Variants in MAPK10 observed in about 807,000 individuals in gnomAD.
MAPK10 encodes the protein mitogen-activated protein kinase 10.
In MAPK10, 25 loss-of-function variants were observed where a neutral mutation model predicts 59.3. The ratio of observed to expected loss-of-function variants is 0.42; its 90% CI spans 0.31 to 0.59. The LOEUF is 0.59. Ranked by LOEUF, MAPK10 falls within the 20% of genes least tolerant of loss-of-function variation. The probability of loss-of-function intolerance (pLI) is 0.15; values close to 1 mark genes in which losing one functional copy is unlikely to be tolerated. For synonymous variants in MAPK10, 190 were observed against 200.5 expected (o/e 0.95, Z 0.44); for missense variants, 351 against 568.9 (o/e 0.62, Z 3.90).
chr4:86,168,699 G>A (rs577814795), intron 3 of MAPK10, among the ~76,000 whole-genome samples: 4 of 152,242 alleles, frequency 2.6e-5, no homozygotes, highest in African/African-American at 9.6e-5. Context: ...TGACAGCTTT[G>A]AAGAGAGCAG....
At chr4:86,247,524 G>A (rs2093173313) in intron 2 of MAPK10, among the ~76,000 whole-genome samples, 1 of 152,178 alleles carries the variant, frequency 6.6e-6, no homozygotes, top group African/African-American at 2.4e-5. Flanking sequence ...CCATGATTTA[G>A]TCAGATAAAT....
At chr4:86,266,437 A>G (rs995545053) in intron 2 of MAPK10, among the ~76,000 whole-genome samples, 1 of 152,198 alleles carries the variant, frequency 6.6e-6, no homozygotes, top group African/African-American at 2.4e-5. Flanking sequence ...TAATGCATGC[A>G]AAACAGAGTA....
At chr4:86,092,611 T>C (rs1408273187) in intron 9 of MAPK10, among the ~76,000 whole-genome samples, 1 of 123,552 alleles carries the variant, frequency 8.1e-6, no homozygotes, top group East Asian at 2.2e-4. Flanking sequence ...TGTATCTGAA[T>C]ATATTAGTGA....
upstream of MAPK10, among the ~76,000 whole-genome samples, chr4:86,365,008 A>G (rs1737605355): frequency 6.6e-6 from 1 of 152,172 alleles, no homozygotes; most frequent in Non-Finnish European, 1.5e-5. Context: ...AGAAAAAAGA[A>G]CAGATACATA....
At chr4:86,235,813 A>G (rs2092160550) in intron 2 of MAPK10, among the ~76,000 whole-genome samples, 1 of 152,200 alleles carries the variant, frequency 6.6e-6, no homozygotes, top group Non-Finnish European at 1.5e-5. Context: ...CAAAAAATTA[A>G]CACATTTGAT....
intron 1 of MAPK10, among the ~76,000 whole-genome samples, chr4:86,515,612 T>C (rs966515131): frequency 5.9e-5 from 9 of 152,224 alleles, no homozygotes; most frequent in Non-Finnish European, 1.3e-4. Flanking sequence ...TTTCATATGT[T>C]TGTTGGACAT....
chr4:86,275,693 T>C (rs1259261411), intron 2 of MAPK10, among the ~76,000 whole-genome samples: 2 of 152,050 alleles, frequency 1.3e-5, no homozygotes, highest in Admixed American at 6.6e-5. Flanking sequence ...CTAGAAAATA[T>C]GTATGAAAAT....
intron 1 of MAPK10, among the ~76,000 whole-genome samples, chr4:86,462,617 G>T (rs981422889): frequency 6.6e-6 from 1 of 152,118 alleles, no homozygotes; most frequent in African/African-American, 2.4e-5. Context: ...AGCTGGAGTT[G>T]GTAAAGCCCT....
At chr4:86,114,677 T>C (rs568701298) in intron 4 of MAPK10, among the ~76,000 whole-genome samples, 2 of 152,210 alleles carry the variant, frequency 1.3e-5, no homozygotes, top group Non-Finnish European at 2.9e-5. Context: ...ATCAGGGAAC[T>C]GTTTAAAGAA....
At chr4:86,545,234 G>C (rs945074059) in intron 1 of MAPK10, among the ~76,000 whole-genome samples, 2 of 152,196 alleles carry the variant, frequency 1.3e-5, no homozygotes, top group African/African-American at 4.8e-5. Context: ...AATGTTCAAA[G>C]GTAAAATCAA....
chr4:86,382,924 C>T (rs1366670782), intron 1 of MAPK10, among the ~76,000 whole-genome samples: 7 of 152,134 alleles, frequency 4.6e-5, no homozygotes, highest in Non-Finnish European at 1.0e-4. Flanking sequence ...GCTGTGTGAC[C>T]TTGAGTGAGC....
At chr4:86,416,509 G>T (rs931882108) in intron 1 of MAPK10, among the ~76,000 whole-genome samples, 11 of 152,170 alleles carry the variant, frequency 7.2e-5, no homozygotes, top group Admixed American at 5.9e-4. Flanking sequence ...TGTGGAAAAG[G>T]ATGGAAGGAT....
chr4:86,488,887 T>C (rs1200232826), intron 1 of MAPK10, among the ~76,000 whole-genome samples: 1 of 152,202 alleles, frequency 6.6e-6, no homozygotes, highest in African/African-American at 2.4e-5. Flanking sequence ...CATCAAGAGA[T>C]ACCTTTTGAA....
At chr4:86,433,657 G>C (rs995323350) in intron 1 of MAPK10, among the ~76,000 whole-genome samples, 1 of 143,508 alleles carries the variant, frequency 7.0e-6, no homozygotes, top group Non-Finnish European at 1.5e-5. Context: ...TCCCACCTCA[G>C]CCTCCCAAGC....
intron 2 of MAPK10, among the ~76,000 whole-genome samples, chr4:86,210,898 G>GA (rs1459944481): frequency 6.0e-5 from 9 of 149,442 alleles, no homozygotes; most frequent in South Asian, 2.1e-4. Flanking sequence ...TCCTAAAAAG[G>GA]AAAAAAAAGA....
chr4:86,235,045 T>C lies in MAPK10; in HGVS notation c.-6-40638A>G, dbSNP rs576244399. 4.6e-5 allele frequency among the ~76,000 whole-genome samples: 7 copies of C among 152,212 alleles called. No homozygotes were observed. In the East Asian group the frequency reaches 1.3e-3, roughly 29 times the overall value. ...CTAGATTATTAGATAAATCATATTA[T>C]TTGTATAATTTAAATTAATAATATA... is the stretch of plus-strand genomic sequence containing the variant. On this transcript the variant is annotated intron_variant, in intron 2 of 13. Transcript: ENST00000641462.
chr4:86,504,553 C>A (rs1755577573), intron 1 of MAPK10, among the ~76,000 whole-genome samples: 1 of 152,172 alleles, frequency 6.6e-6, no homozygotes, highest in Non-Finnish European at 1.5e-5. Context: ...TTCTTATTAA[C>A]AAGGGGTGTT....
intron 1 of MAPK10, among the ~76,000 whole-genome samples, chr4:86,395,459 T>C (rs1412386811): frequency 1.3e-5 from 2 of 152,148 alleles, no homozygotes; most frequent in Non-Finnish European, 2.9e-5. Context: ...ATATCAAAAA[T>C]GCCAAGAGGA....
rs1199047940 is a variant in MAPK10, at chr4:86,013,667, T to C, written c.*3561A>G. The C allele has an allele frequency of 6.6e-6, 1 of 152,226 alleles. No individual in the cohort carries two copies. The highest frequency in any genetic ancestry group is 1.5e-5 in the Non-Finnish European group (1 of 68,044). The allele number at this position is 152,226 out of a possible 1,614,324, so 9.4% of individuals were successfully genotyped here. A position where few individuals can be genotyped will look rare whatever the true frequency, so the allele number is the denominator to read the frequency against. ...TTATCTATTTTTTACTAGTTCCATTTACTAAGGCCAACTTTCAGTTTTACC... is the reference window on the plus strand; with the variant it reads ...TTATCTATTTTTTACTAGTTCCATTCACTAAGGCCAACTTTCAGTTTTACC... On this transcript the variant is annotated 3_prime_UTR_variant, in exon 14 of 14. Transcript: ENST00000641462.
Sources: allele counts gnomAD v4.1 joint callset (sites outside exome capture counted in the v4.1 genomes callset), GRCh38; gene constraint gnomAD v4.1.1; transcripts MANE v1.5; gene names NCBI Gene and HGNC (gene_info 2026-07-23, HGNC 2026-07-21).